The following ECT2L variants were observed in gnomAD, a reference collection of about 807,000 sequenced individuals.
ECT2L encodes epithelial cell-transforming sequence 2 oncogene-like.
ECT2L carries 126 observed loss-of-function variants against 122.8 expected under a neutral mutation model. That is an observed-to-expected ratio of 1.03 (90% CI 0.89 to 1.19). ECT2L has a LOEUF of 1.19. Among genes scored for constraint, ECT2L ranks in the 50% most tolerant of loss-of-function variants. ECT2L has a pLI of 0.00. For synonymous variants in ECT2L, 385 were observed against 381.8 expected, an observed-to-expected ratio of 1.01 and a Z score of -0.10; for missense variants, 1,012 against 1,064.1, an observed-to-expected ratio of 0.95 and a Z score of 0.68.
chr6:138,896,784 A>G (rs1170610636), intron 20 of ECT2L, among the ~76,000 whole-genome samples: 2 of 152,072 alleles, frequency 1.3e-5, no homozygotes, highest in Non-Finnish European at 2.9e-5. Flanking sequence ...AGTAGCTGGG[A>G]CTATAGGTGT....
At chr6:138,858,577 C>A (rs185123559) in intron 10 of ECT2L, among the ~76,000 whole-genome samples, 25 of 152,050 alleles carry the variant, frequency 1.6e-4, no homozygotes, top group African/African-American at 5.8e-4. Context: ...ATATTCACTA[C>A]CCCCAAAAGT....
intron 14 of ECT2L, 78 bp downstream of exon 14, chr6:138,876,636 C>T: frequency 3.8e-6 from 3 of 792,188 alleles, no homozygotes; most frequent in Non-Finnish European, 5.7e-6. Flanking sequence ...CTGGTTAGTT[C>T]TTCATTTTCC....
intron 10 of ECT2L, among the ~76,000 whole-genome samples, chr6:138,857,937 T>C (rs753495615): frequency 2.0e-5 from 3 of 152,128 alleles, no homozygotes; most frequent in Middle Eastern, 3.2e-3. Flanking sequence ...CTTCTCCACG[T>C]GGCGGCAGGA....
intron 16 of ECT2L, among the ~76,000 whole-genome samples, chr6:138,885,000 C>A (rs894876367): frequency 5.7e-5 from 8 of 139,230 alleles, no homozygotes; most frequent in Admixed American, 2.2e-4. Context: ...AGGGTCAGGT[C>A]TATGTATAAT....
chr6:138,882,587 G>A (rs1778678663), intron 15 of ECT2L, 137 bp from the exon 16 acceptor site: 3 of 1,043,490 alleles, frequency 2.9e-6, no homozygotes, highest in Non-Finnish European at 4.1e-6. Flanking sequence ...ACTTCTCTGT[G>A]TTAGGAAGAA....
chr6:138,824,552 A>C (rs1322483876), intron 4 of ECT2L, among the ~76,000 whole-genome samples: 1 of 72,930 alleles, frequency 1.4e-5, no homozygotes, highest in Non-Finnish European at 2.5e-5. Context: ...AAAAAAAAAA[A>C]AACTATAAAA....
intron 14 of ECT2L, 93 bp downstream of exon 14, chr6:138,876,651 A>G: frequency 1.3e-6 from 1 of 745,042 alleles, no homozygotes; most frequent in Non-Finnish European, 2.0e-6. Flanking sequence ...TTTTCCTTGA[A>G]AATTTCCCTT....
At chr6:138,841,875 T>C (rs1220890370) in intron 5 of ECT2L, among the ~76,000 whole-genome samples, 2 of 152,204 alleles carry the variant, frequency 1.3e-5, no homozygotes. Flanking sequence ...TCTTGTCGTA[T>C]GTCAAAATGG....
chr6:138,863,684 A>C (rs865871581), intron 11 of ECT2L, among the ~76,000 whole-genome samples: 1 of 150,654 alleles, frequency 6.6e-6, no homozygotes, highest in Non-Finnish European at 1.5e-5. Flanking sequence ...TTCTCGATCT[A>C]GGCTCACTGC....
intron 20 of ECT2L, among the ~76,000 whole-genome samples, chr6:138,898,840 C>T (rs1002294712): frequency 6.6e-6 from 1 of 152,114 alleles, no homozygotes. Flanking sequence ...GCTGAAACCT[C>T]AGAGTACTGA....
chr6:138,822,863 T>C (rs1046694959), intron 4 of ECT2L: 3 of 1,613,998 alleles, frequency 1.9e-6, no homozygotes, highest in Non-Finnish European at 1.7e-6. Flanking sequence ...TCAGAGAATT[T>C]GCAAAAGTTT....
chr6:138,818,286 G>A (rs1583552997), intron 4 of ECT2L, among the ~76,000 whole-genome samples: 1 of 152,106 alleles, frequency 6.6e-6, no homozygotes, highest in African/African-American at 2.4e-5. Context: ...TTGAAATGGG[G>A]TTGGAGGGCA....
At chr6:138,882,665 T>C in intron 15 of ECT2L, 59 bp from the exon 16 acceptor site, 1 of 1,590,708 alleles carries the variant, frequency 6.3e-7, no homozygotes, top group African/African-American at 1.3e-5. Flanking sequence ...CAATGGATAT[T>C]TGGGTTTGTA....
chr6:138,902,593 T>C lies in ECT2L; in HGVS notation c.2681T>C (p.Leu894Pro). 1 of 1,613,914 alleles carries C rather than the reference T, an allele frequency of 6.2e-7. No homozygotes were observed. The highest frequency in any genetic ancestry group is 2.2e-5 in the East Asian group (1 of 44,812). Residue 894 changes from leucine (L) to proline (P), a missense_variant, in exon 22 of 22, where the codon CTT becomes CCT. By Grantham distance (98) the Leu-to-Pro change is moderately conservative. Coordinates refer to ENST00000541398, the MANE Select transcript of ECT2L (RefSeq NM_001077706.3). ...EDDKFLWLSVLRNAIKSSMEK is the reference protein window; with the variant it reads ...EDDKFLWLSVPRNAIKSSMEK ...GATAAGTTCCTATGGCTGTCAGTACTTCGAAATGCAATCAAAAGCAGTATG... is the reference window on the plus strand; with the variant it reads ...GATAAGTTCCTATGGCTGTCAGTACCTCGAAATGCAATCAAAAGCAGTATG...
chr6:138,871,562 T>C (rs763581337), intron 13 of ECT2L, among the ~76,000 whole-genome samples: 1 of 151,984 alleles, frequency 6.6e-6, no homozygotes, highest in African/African-American at 2.4e-5. Flanking sequence ...TCCCAGCCCT[T>C]TGGGAGGCAG....
chr6:138,885,152 C>T (rs774746793), intron 16 of ECT2L, among the ~76,000 whole-genome samples: 3 of 150,858 alleles, frequency 2.0e-5, no homozygotes, highest in African/African-American at 4.9e-5. Context: ...CCTCAGCCTC[C>T]TGAGTAGTTA....
At position 138,902,632 on chromosome 6, in the gene ECT2L, G is replaced by T; in HGVS notation, c.*5G>T. 1 of 1,613,108 alleles carries T rather than the reference G, an allele frequency of 6.2e-7. No individual in the cohort carries two copies. Among genetic ancestry groups the T allele is most frequent in the South Asian group, 1.1e-5 (1 of 90,842 alleles). ...AAAAGCAGTATGGAGAAGTGAGACC[G>T]AACTTGAAAACTTCAGGGGTGCCAA... On this transcript the variant is annotated 3_prime_UTR_variant, in exon 22 of 22. Transcript: ENST00000541398.
intron 20 of ECT2L, among the ~76,000 whole-genome samples, chr6:138,893,031 A>G (rs963193349): frequency 1.3e-5 from 2 of 152,132 alleles, no homozygotes; most frequent in Non-Finnish European, 2.9e-5. Flanking sequence ...CAGTTATTTT[A>G]GCTGTAATCC....
At position 138,843,219 on chromosome 6, in the gene ECT2L, G is replaced by T; in HGVS notation, c.583G>T (p.Ala195Ser). 6.2e-7 allele frequency: 1 copy of T among 1,607,712 alleles called. No homozygotes were observed. The highest frequency in any genetic ancestry group is 8.5e-7 in the Non-Finnish European group (1 of 1,176,734). ...GAGGAAAAGAATTTGGGAGAAAATT[G>T]CACTACGTAAGAGTAAGTAGCATTT... is the stretch of plus-strand genomic sequence containing the variant. The part of the protein sequence containing the change: ...CLRKRIWEKI[A>S]LRKKELFKVR... The change falls in exon 6 of 22, where the codon GCA (alanine) becomes TCA (serine). Residue 195 changes from alanine to serine, a missense_variant. Coordinates refer to ENST00000541398, the MANE Select transcript of ECT2L (RefSeq NM_001077706.3).
Sources: allele counts gnomAD v4.1 joint callset (sites outside exome capture counted in the v4.1 genomes callset), GRCh38; gene constraint gnomAD v4.1.1; transcripts MANE v1.5; gene names NCBI Gene and HGNC (gene_info 2026-07-23, HGNC 2026-07-21).